GSE1: variants seen among roughly 807,000 people sequenced by gnomAD.
The protein encoded by GSE1 is Gse1 coiled-coil protein.
In GSE1, 32 loss-of-function variants were observed where a neutral mutation model predicts 112.6. The ratio of observed to expected loss-of-function variants is 0.28; its 90% CI spans 0.21 to 0.38. GSE1 has a LOEUF of 0.38. GSE1 is among the 10% of genes least tolerant of loss of function. The pLI is 1.00. For synonymous variants in GSE1, 1,115 were observed against 735.6 expected (o/e 1.52, Z -8.35); for missense variants, 2,348 against 1,699.2 (o/e 1.38, Z -6.71).
chr16:85,656,291 C>T (rs377185354), intron 6 of GSE1, 52 bp from the exon 7 acceptor site: 9 of 1,595,572 alleles, frequency 5.6e-6, no homozygotes, highest in Admixed American at 1.7e-5. Context: ...GCCCCAGGTC[C>T]GTCTCTTGTT....
Position 85,313,663 on chromosome 16 carries a change from A to T in GSE1, c.2284-43800A>T, listed in dbSNP as rs368057542. Reference sequence around the variant, plus strand: ...GGAGGATTCTGGAGCCTGCTCAGGCAGGCCCAAAGTCTGGGCGGTCAGAAC... The same window carrying T: ...GGAGGATTCTGGAGCCTGCTCAGGCTGGCCCAAAGTCTGGGCGGTCAGAAC... On this transcript the variant is annotated intron_variant, in intron 1 of 2. Transcript: ENST00000637419. Among the ~76,000 whole-genome samples, 6 of 152,294 alleles carry T rather than the reference A, an allele frequency of 3.9e-5. No individual in the cohort carries two copies. The South Asian group carries it at 8.3e-4, about 21-fold the overall frequency.
chr16:85,555,303 G>T, upstream of GSE1: 2 of 984,990 alleles, frequency 2.0e-6, no homozygotes, highest in Non-Finnish European at 2.4e-6. Context: ...CTGCCCAGGC[G>T]CCAGAGCCCC....
intron 2 of GSE1, among the ~76,000 whole-genome samples, chr16:85,637,568 G>A (rs776748731): frequency 7.9e-5 from 12 of 151,682 alleles, no homozygotes; most frequent in South Asian, 2.1e-4. Flanking sequence ...TGTATCGAGC[G>A]CCTGCTGTGC....
rs375375912 is a variant in GSE1, at chr16:85,668,431, G to C, written c.3415+7G>C. The C allele has an allele frequency of 8.1e-5, 128 of 1,581,714 alleles. No individual in the cohort carries two copies. Among genetic ancestry groups the C allele is most frequent in the Middle Eastern group, 2.1e-4 (1 of 4,780 alleles). On this transcript the variant is annotated splice_region_variant and intron_variant, in intron 14 of 15. Coordinates refer to ENST00000253458, the MANE Select transcript of GSE1 (RefSeq NM_014615.5). The stretch of plus-strand genomic sequence containing the variant: ...TACCAGGAACACATAGAAGGTAAGG[G>C]GGTGCTGGGGAAGAGGGGGGAGGGG...
At chr16:85,422,693 C>A (rs555714856) in intron 2 of GSE1, among the ~76,000 whole-genome samples, 6 of 152,146 alleles carry the variant, frequency 3.9e-5, no homozygotes, top group African/African-American at 1.4e-4. Flanking sequence ...GAGAGAGATC[C>A]AGGCAGAGGC....
At chr16:85,526,656 G>C (rs1281194044) in intron 2 of GSE1, among the ~76,000 whole-genome samples, 1 of 152,180 alleles carries the variant, frequency 6.6e-6, no homozygotes, top group Non-Finnish European at 1.5e-5. Context: ...CCCACTATCA[G>C]GGATCTGGGC....
chr16:85,605,780 G>C (rs2047679244), intron 1 of GSE1, among the ~76,000 whole-genome samples: 1 of 152,014 alleles, frequency 6.6e-6, no homozygotes, highest in African/African-American at 2.4e-5. Context: ...GTGGTAGAGA[G>C]GGTGCTGCCC....
At chr16:85,584,092 A>G (rs2046575241) in intron 1 of GSE1, among the ~76,000 whole-genome samples, 1 of 152,108 alleles carries the variant, frequency 6.6e-6, no homozygotes, top group Non-Finnish European at 1.5e-5. Flanking sequence ...GGGGACGGGG[A>G]CACAGGCTCG....
intron 1 of GSE1, among the ~76,000 whole-genome samples, chr16:85,319,267 C>T (rs370834510): frequency 6.6e-6 from 1 of 152,198 alleles, no homozygotes; most frequent in African/African-American, 2.4e-5. Context: ...GGCGTGTGAC[C>T]CAGAACTTGC....
chr16:85,628,383 G>C (rs1199313598), intron 1 of GSE1, among the ~76,000 whole-genome samples: 2 of 152,246 alleles, frequency 1.3e-5, no homozygotes, highest in African/African-American at 4.8e-5. Context: ...CTGTACCTGG[G>C]GCTGGAGGGG....
At chr16:85,401,840 C>G (rs1186899996) in intron 2 of GSE1, among the ~76,000 whole-genome samples, 1 of 152,228 alleles carries the variant, frequency 6.6e-6, no homozygotes, top group Non-Finnish European at 1.5e-5. Context: ...ACGGGAATGT[C>G]TAAACATGTG....
At chr16:85,661,103 A>G (rs1232824717) in intron 8 of GSE1, 43 bp from the exon 9 acceptor site, 2 of 1,520,986 alleles carry the variant, frequency 1.3e-6, no homozygotes, top group South Asian at 1.3e-5. Context: ...GGATGACTGA[A>G]GGGTCTTTTC....
chr16:85,448,282 C>T (rs78814241), intron 2 of GSE1, among the ~76,000 whole-genome samples: 1,537 of 152,306 alleles, frequency 0.01, 28 homozygotes, highest in African/African-American at 0.035. Context: ...AGCTGGGCTT[C>T]GGGATCTTTC....
At chr16:85,397,919 T>TA (rs2048005408) in intron 2 of GSE1, among the ~76,000 whole-genome samples, 1 of 149,676 alleles carries the variant, frequency 6.7e-6, no homozygotes, top group African/African-American at 2.5e-5. Context: ...GGCTGCCCCT[T>TA]AGAGTCACAA....
intron 2 of GSE1, among the ~76,000 whole-genome samples, chr16:85,470,816 C>A (rs1393773250): frequency 1.3e-5 from 2 of 151,960 alleles, no homozygotes; most frequent in Non-Finnish European, 2.9e-5. Context: ...TAATGAGCGG[C>A]GATTAAAACA....
chr16:85,560,238 C>G (rs910762667), intron 1 of GSE1, among the ~76,000 whole-genome samples: 1 of 149,546 alleles, frequency 6.7e-6, no homozygotes. Flanking sequence ...CGGGTTCAAG[C>G]GATTGTCCTG....
At chr16:85,259,347 C>T (rs997309073) in intron 1 of GSE1, among the ~76,000 whole-genome samples, 2 of 152,152 alleles carry the variant, frequency 1.3e-5, no homozygotes, top group African/African-American at 2.4e-5. Context: ...GTGCTCGCCC[C>T]TTCCCTCCGT....
chr16:85,663,641 G>T (rs1411879762), intron 11 of GSE1, 27 bp downstream of exon 11: 9 of 1,594,416 alleles, frequency 5.6e-6, no homozygotes, highest in African/African-American at 5.4e-5. Context: ...GTAGGAAGGT[G>T]GGGGCTCACT....
chr16:85,436,422 A>C (rs2049247886), intron 2 of GSE1, among the ~76,000 whole-genome samples: 2 of 152,164 alleles, frequency 1.3e-5, no homozygotes, highest in African/African-American at 4.8e-5. Context: ...TCAGTCAGCC[A>C]CACTCCAGTG....
Sources: gnomAD v4.1 joint callset for allele counts (sites outside exome capture counted in the v4.1 genomes callset) on GRCh38, gnomAD v4.1.1 for gene constraint, MANE v1.5 for transcripts, NCBI Gene and HGNC (gene_info 2026-07-23, HGNC 2026-07-21) for gene names.